The following ACSS2 variants were observed in gnomAD, a reference collection of about 807,000 sequenced individuals.
The protein encoded by ACSS2 is acetyl-coenzyme A synthetase, cytoplasmic.
Under a neutral mutation model 90.6 loss-of-function variants are expected in ACSS2, and 58 were observed. That is an observed-to-expected ratio of 0.64 (90% CI 0.52 to 0.80). The LOEUF (loss-of-function observed/expected upper bound fraction) is 0.80, where lower values mean the gene tolerates loss of function less well. Among genes scored for constraint, ACSS2 ranks in the 30% least tolerant of loss-of-function variants. The pLI is 0.00. For synonymous variants in ACSS2, 300 were observed against 330.9 expected (o/e 0.91, Z 1.01); for missense variants, 759 against 912.0 (o/e 0.83, Z 2.16).
At chr20:34,899,423 T>TTTCTTTCCTTCCTTCCTTCC (rs1491564858) in intron 2 of ACSS2, among the ~76,000 whole-genome samples, 69 of 113,072 alleles carry the variant, frequency 6.1e-4, no homozygotes, top group East Asian at 1.4e-3. Context: ...TCTTTCTTTC[T>TTTCTTTCCTTCCTTCCTTCC]TTCCTTCCTT....
At chr20:34,919,958 T>A (rs1247462707) in intron 8 of ACSS2, among the ~76,000 whole-genome samples, 1 of 152,150 alleles carries the variant, frequency 6.6e-6, no homozygotes, top group Non-Finnish European at 1.5e-5. Context: ...TATTAACATG[T>A]AGTCCTCTGC....
intron 2 of ACSS2, among the ~76,000 whole-genome samples, chr20:34,901,174 T>G (rs1020165712): frequency 6.6e-6 from 1 of 152,256 alleles, no homozygotes; most frequent in African/African-American, 2.4e-5. Flanking sequence ...CATCACTTTC[T>G]ATTTCTGTGC....
rs754226756 is a variant in ACSS2 at position 34,913,188 on chromosome 20, G to A, written c.466+1G>A. The stretch of plus-strand genomic sequence containing the variant: ...TTCAGCAATGTTCTCCGAAAACAGG[G>A]TGAGTGTGGGGGTGTGGGAAAGGAC... On this transcript the variant is annotated splice_donor_variant, in intron 3 of 17. Transcript: ENST00000360596. LOFTEE classifies it high-confidence loss of function. 1 of 1,614,104 alleles carries A rather than the reference G, an allele frequency of 6.2e-7. No homozygotes were observed. Among genetic ancestry groups the A allele is most frequent in the South Asian group, 1.1e-5 (1 of 91,080 alleles).
chr20:34,919,422 C>A lies in ACSS2; in HGVS notation c.835-13C>A. ...TTGAGCTGTTCACAGTTCTTCCCTG[C>A]CCATCCCTGCAGATCTCATGGAACC... is the stretch of plus-strand genomic sequence containing the variant. On this transcript the variant is annotated splice_polypyrimidine_tract_variant and intron_variant, in intron 7 of 17. Transcript: ENST00000360596. The A allele has an allele frequency of 6.2e-7, 1 of 1,613,690 alleles. No individual in the cohort carries two copies. Among genetic ancestry groups the A allele is most frequent in the Non-Finnish European group, 8.5e-7 (1 of 1,179,888 alleles).
At chr20:34,894,821 A>T (rs1051999854) in intron 2 of ACSS2, among the ~76,000 whole-genome samples, 5 of 152,218 alleles carry the variant, frequency 3.3e-5, no homozygotes, top group African/African-American at 1.2e-4. Flanking sequence ...GAGAGGGGAA[A>T]GTTTGTGTAA....
chr20:34,902,711 TTTAATTAA>T (rs376201305), intron 2 of ACSS2, among the ~76,000 whole-genome samples: 11 of 151,814 alleles, frequency 7.2e-5, no homozygotes, highest in South Asian at 2.1e-4. Context: ...TTTATTGTTG[TTTAATTAA>T]TTAATTAATT....
intron 6 of ACSS2, 35 bp downstream of exon 6, chr20:34,914,206 G>A (rs368590862): frequency 6.2e-7 from 1 of 1,613,050 alleles, no homozygotes; most frequent in Admixed American, 1.7e-5. Flanking sequence ...AGTTGACTGA[G>A]CCTTTCCCCA....
At chr20:34,875,891 C>T (rs1009199721), upstream of ACSS2, 6 of 152,474 alleles carry the variant, frequency 3.9e-5, no homozygotes, top group African/African-American at 1.4e-4. Flanking sequence ...AGATTGAAGA[C>T]ATGTCCTCAT....
In ACSS2 at chr20:34,919,551, T is replaced by C. The variant is rs745627480; in HGVS notation, c.951T>C (p.Ser317=). 4.3e-6 allele frequency: 7 copies of C among 1,609,892 alleles called. No individual in the cohort carries two copies. In the Admixed American group the frequency reaches 1.2e-4, roughly 27 times the overall value. Residue 317 remains serine, a synonymous_variant, in exon 8 of 18, where the codon AGT becomes AGC. Coordinates refer to ENST00000360596, the MANE Select transcript of ACSS2 (RefSeq NM_018677.4). ...ACCCACTCTTCATCCTGTACACCAGTGGCTCCACAGGCAAACCCAAGGCAA... is the reference window on the plus strand; with the variant it reads ...ACCCACTCTTCATCCTGTACACCAGCGGCTCCACAGGCAAACCCAAGGCAA... ...AEDPLFILYT[S]GSTGKPKGVV...
rs2081301406 is a variant in ACSS2, at chr20:34,925,679, GTTTTGCATTT to G, written c.1658-18_1658-9del. The G allele has an allele frequency of 6.2e-7, 1 of 1,609,602 alleles. No individual in the cohort carries two copies. Among genetic ancestry groups the G allele is most frequent in the South Asian group, 1.1e-5 (1 of 89,890 alleles). On this transcript the variant is annotated splice_polypyrimidine_tract_variant and intron_variant, in intron 14 of 17. Coordinates refer to ENST00000360596, the MANE Select transcript of ACSS2 (RefSeq NM_018677.4). ...CTACCGTAGGGTTTTTATTTATTAG[GTTTTGCATTT>G]CTTCCCAGGCTGCCAGCGGGACCAG...
At chr20:34,907,473 A>C (rs1444746991) in intron 2 of ACSS2, among the ~76,000 whole-genome samples, 1 of 152,246 alleles carries the variant, frequency 6.6e-6, no homozygotes, top group Admixed American at 6.5e-5. Context: ...GGCTACATGT[A>C]TATGGTGGTT....
At chr20:34,914,672 C>G (rs766816015) in intron 7 of ACSS2, among the ~76,000 whole-genome samples, 18 of 152,138 alleles carry the variant, frequency 1.2e-4, no homozygotes, top group Non-Finnish European at 1.8e-4. Context: ...AAGGGAGACT[C>G]CTATGCTGGT....
At position 34,920,634 on chromosome 20, in the gene ACSS2, G is replaced by A. The variant is rs369034940; in HGVS notation, c.1068G>A (p.Thr356=). The A allele has an allele frequency of 8.7e-6, 14 of 1,614,044 alleles. No individual in the cohort carries two copies. Among genetic ancestry groups the A allele is most frequent in the East Asian group, 4.5e-5 (2 of 44,886 alleles). ...ATGCAGAGGATGTGTTCTGGTGCAC[G>A]GCAGACATTGGTTGGATCACTGGTC... ...DFHAEDVFWC[T]ADIGWITGHS... is the part of the protein sequence containing the mutation. Residue 356 remains threonine, a synonymous_variant, in exon 9 of 18, where the codon ACG becomes ACA. Transcript: ENST00000360596.
chr20:34,921,544 G>C lies in ACSS2; in HGVS notation c.1411G>C (p.Gly471Arg). Reference protein sequence around the residue: ...IVDTFWQTETGGHMLTPLPGA... With the variant: ...IVDTFWQTETRGHMLTPLPGA... ...AATTTCTCATCTCTGACTTCCCCAG[G>C]GTGGCCACATGTTGACTCCCCTTCC... The change falls in exon 12 of 18, where the codon GGT becomes CGT. Residue 471 changes from glycine to arginine, a missense_variant and splice_region_variant. Transcript: ENST00000360596. The C allele has an allele frequency of 6.2e-7, 1 of 1,614,196 alleles. No individual in the cohort carries two copies. The highest frequency in any genetic ancestry group is 2.2e-5 in the East Asian group (1 of 44,878).
intron 2 of ACSS2, among the ~76,000 whole-genome samples, chr20:34,901,196 C>G (rs2080649197): frequency 6.6e-6 from 1 of 152,172 alleles, no homozygotes; most frequent in African/African-American, 2.4e-5. Context: ...ATAGGTTTCT[C>G]AATGGTAAAT....
intron 13 of ACSS2, 64 bp downstream of exon 13, chr20:34,921,930 C>A: frequency 1.3e-6 from 2 of 1,555,700 alleles, no homozygotes; most frequent in Non-Finnish European, 1.7e-6. Flanking sequence ...GGGTACTTTG[C>A]TTTAGAGTTA....
At position 34,926,297 on chromosome 20, in the gene ACSS2, G is replaced by A; in HGVS notation, c.1903+16G>A. 3 of 1,612,892 alleles carry A rather than the reference G, an allele frequency of 1.9e-6. No individual in the cohort carries two copies. In the South Asian group the frequency reaches 3.3e-5, roughly 18 times the overall value. ...AAGAAGCAGAGTAAGGAGCCTCCCT[G>A]GGCAGGGACTATAGGGTCTGTCTTG... On this transcript the variant is annotated intron_variant, in intron 16 of 17. Coordinates refer to ENST00000360596, the MANE Select transcript of ACSS2 (RefSeq NM_018677.4).
chr20:34,891,739 C>G (rs2080341171), intron 2 of ACSS2, among the ~76,000 whole-genome samples: 1 of 152,178 alleles, frequency 6.6e-6, no homozygotes, highest in African/African-American at 2.4e-5. Flanking sequence ...AGGTGGATTT[C>G]TAACCTGCTT....
Position 34,876,620 on chromosome 20 carries a change from G to A in ACSS2, c.-26G>A, listed in dbSNP as rs767189519. 7.7e-7 allele frequency: 1 copy of A among 1,306,106 alleles called. No individual in the cohort carries two copies. The highest frequency in any genetic ancestry group is 4.1e-5 in the Admixed American group (1 of 24,506). The allele number at this position is 1,306,106 out of a possible 1,614,324, so 80.9% of individuals were successfully genotyped here. A position where few individuals can be genotyped will look rare whatever the true frequency, so the allele number is the denominator to read the frequency against. On this transcript the variant is annotated 5_prime_UTR_variant, in exon 1 of 18. Coordinates refer to ENST00000360596, the MANE Select transcript of ACSS2 (RefSeq NM_018677.4). ...CGGCACCCGCCGCGACCGCAAAGGC[G>A]GCCGCGGTTCTAGGAACTTGACGTG...
Sources: allele counts gnomAD v4.1 joint callset (sites outside exome capture counted in the v4.1 genomes callset), GRCh38; gene constraint gnomAD v4.1.1; transcripts MANE v1.5; gene names NCBI Gene and HGNC (gene_info 2026-07-23, HGNC 2026-07-21).